Variants in SMURF2 observed in about 807,000 individuals in gnomAD.
SMURF2 encodes the protein SMAD specific E3 ubiquitin protein ligase 2, also known as E3 ubiquitin-protein ligase SMURF2.
A neutral mutation model predicts 109.6 loss-of-function variants in SMURF2; 48 were observed. The observed-to-expected ratio is 0.44, with a 90% CI of 0.35 to 0.56. The LOEUF (loss-of-function observed/expected upper bound fraction) is 0.56. Ranked by LOEUF, SMURF2 falls within the 20% of genes least tolerant of loss-of-function variation. The pLI, the probability that SMURF2 is intolerant of heterozygous loss-of-function variation, is 0.01. For synonymous variants in SMURF2, 288 were observed against 317.1 expected, an observed-to-expected ratio of 0.91 and a Z score of 0.97; for missense variants, 575 against 909.0, an observed-to-expected ratio of 0.63 and a Z score of 4.72.
intron 3 of SMURF2, among the ~76,000 whole-genome samples, chr17:64,597,770 CA>C (rs369162603): frequency 0.03 from 3,363 of 112,502 alleles, 108 homozygotes; most frequent in African/African-American, 0.087. Flanking sequence ...AAGACTGTCT[CA>C]AAAAAAAAAA....
chr17:64,558,170 C>G (rs1248385337), intron 12 of SMURF2, among the ~76,000 whole-genome samples: 4 of 152,172 alleles, frequency 2.6e-5, no homozygotes, highest in African/African-American at 9.7e-5. Flanking sequence ...GGGGCCAAGA[C>G]AGGTGGTTCG....
At chr17:64,654,882 G>A (rs1429268348) in intron 1 of SMURF2, among the ~76,000 whole-genome samples, 1 of 151,868 alleles carries the variant, frequency 6.6e-6, no homozygotes, top group Non-Finnish European at 1.5e-5. Context: ...TCACTATGTT[G>A]CCCAGGCTGG....
intron 6 of SMURF2, among the ~76,000 whole-genome samples, chr17:64,584,679 T>C (rs1376293580): frequency 8.5e-5 from 13 of 152,136 alleles, no homozygotes; most frequent in African/African-American, 2.9e-4. Flanking sequence ...TTCTATCAAC[T>C]CTTTACCATA....
At chr17:64,576,128 C>A (rs1339070906) in intron 9 of SMURF2, among the ~76,000 whole-genome samples, 5 of 151,800 alleles carry the variant, frequency 3.3e-5, no homozygotes, top group African/African-American at 1.2e-4. Context: ...TGACTTGAAC[C>A]CAGGAGGCAG....
In SMURF2 at chr17:64,547,569, T is replaced by G; in HGVS notation, c.2071+31A>C. 2.2e-6 allele frequency: 3 copies of G among 1,384,620 alleles called. No individual in the cohort carries two copies. Among genetic ancestry groups the G allele is most frequent in the Non-Finnish European group, 3.0e-6 (3 of 986,994 alleles). The allele number at this position is 1,384,620 out of a possible 1,614,324, so 85.8% of individuals were successfully genotyped here. Reference sequence around the variant, plus strand: ...CGCTGACAGCCCCGCCCCCACCCGCTGCCCAGCTTGCCTGCACCTCAGGCT... The same window carrying G: ...CGCTGACAGCCCCGCCCCCACCCGCGGCCCAGCTTGCCTGCACCTCAGGCT... On this transcript the variant is annotated intron_variant, in intron 17 of 18. Transcript: ENST00000262435. This position sits in a 1 kb window ranked among gnomAD's most constrained non-coding sequence, Gnocchi z 4.2.
intron 1 of SMURF2, among the ~76,000 whole-genome samples, chr17:64,655,962 C>T (rs1970699768): frequency 6.6e-6 from 1 of 152,006 alleles, no homozygotes; most frequent in African/African-American, 2.4e-5. Flanking sequence ...AACAGTATGG[C>T]ACTGAACAAG....
chr17:64,602,064 A>T (rs1314826428), intron 2 of SMURF2, among the ~76,000 whole-genome samples: 1 of 152,008 alleles, frequency 6.6e-6, no homozygotes, highest in Non-Finnish European at 1.5e-5. Flanking sequence ...ATTCTAAGTG[A>T]AGTAACTCAA....
intron 1 of SMURF2, among the ~76,000 whole-genome samples, chr17:64,647,722 T>C (rs1970577975): frequency 1.3e-5 from 2 of 148,166 alleles, no homozygotes; most frequent in African/African-American, 4.9e-5. Context: ...TTTCGTCAGA[T>C]AAAAGGTGCT....
rs1213043298 is a variant in SMURF2 at position 64,661,870 on chromosome 17, G to C, written c.11C>G (p.Pro4Arg). Reference sequence around the variant, plus strand: ...GACGGGCCCGTTCCTCCGGCCTCCGGGGTTAGACATGTCCCCGGCGGCGGG... The same window carrying C: ...GACGGGCCCGTTCCTCCGGCCTCCGCGGTTAGACATGTCCCCGGCGGCGGG... Reference protein sequence around the residue: MSNPGGRRNGPVKL... With the variant: MSNRGGRRNGPVKL... The change falls in exon 1 of 19, where the codon CCC becomes CGC. Residue 4 changes from proline (P) to arginine (R), a missense_variant. Physicochemically the swap from Pro to Arg is moderately radical, Grantham distance 103. Transcript: ENST00000262435. The C allele has an allele frequency of 1.6e-6, 2 of 1,214,556 alleles. No individual in the cohort carries two copies. Among genetic ancestry groups the C allele is most frequent in the East Asian group, 3.3e-5 (1 of 30,612 alleles). The allele number at this position is 1,214,556 out of a possible 1,614,324, so 75.2% of individuals were successfully genotyped here.
intron 5 of SMURF2, 91 bp from the exon 6 acceptor site, chr17:64,586,261 A>G (rs1241463450): frequency 1.4e-6 from 1 of 732,210 alleles, no homozygotes; most frequent in African/African-American, 1.8e-5. Context: ...CATCTGACTT[A>G]GCTTATTTTA....
chr17:64,576,422 G>T (rs1420174114), intron 9 of SMURF2, among the ~76,000 whole-genome samples: 7 of 151,964 alleles, frequency 4.6e-5, no homozygotes, highest in African/African-American at 1.7e-4. Context: ...CCAGCACTTT[G>T]GTAGGTCGAG....
intron 1 of SMURF2, among the ~76,000 whole-genome samples, chr17:64,644,506 G>A (rs1970533768): frequency 6.6e-6 from 1 of 151,618 alleles, no homozygotes; most frequent in Non-Finnish European, 1.5e-5. Context: ...TGAGGCAGGA[G>A]GAATGCTTGA....
At chr17:64,659,364 T>C (rs1171893737) in intron 1 of SMURF2, among the ~76,000 whole-genome samples, 3 of 152,192 alleles carry the variant, frequency 2.0e-5, no homozygotes, top group Non-Finnish European at 4.4e-5. Flanking sequence ...ATAGCCCAAG[T>C]GTATTGTAAA....
intron 1 of SMURF2, among the ~76,000 whole-genome samples, chr17:64,617,080 A>G (rs1598298229): frequency 6.7e-6 from 1 of 149,950 alleles, no homozygotes; most frequent in East Asian, 1.9e-4. Context: ...AAAAAAAAAA[A>G]AAAAAAAAAA....
intron 1 of SMURF2, among the ~76,000 whole-genome samples, chr17:64,657,300 A>G (rs1446740114): frequency 6.6e-6 from 1 of 152,166 alleles, no homozygotes; most frequent in Non-Finnish European, 1.5e-5. Flanking sequence ...GAGGGCATTC[A>G]TAATTATACT....
At chr17:64,563,212 C>T (rs1202085979) in intron 10 of SMURF2, 1 of 298,700 alleles carries the variant, frequency 3.3e-6, no homozygotes, top group African/African-American at 2.2e-5. Context: ...TATACAGCTT[C>T]TGAGGACAAA....
At chr17:64,661,680 C>A (rs971164180) in intron 1 of SMURF2, 149 bp downstream of exon 1, 3 of 458,790 alleles carry the variant, frequency 6.5e-6, no homozygotes, top group Non-Finnish European at 6.5e-6. Context: ...AAGTGGTTTT[C>A]CAATTACTCT....
chr17:64,570,989 G>C (rs4453564), intron 10 of SMURF2, among the ~76,000 whole-genome samples: 29,648 of 151,690 alleles, frequency 0.2, 5,564 homozygotes, highest in African/African-American at 0.49. Context: ...TCACATGTTG[G>C]CCAGGTTGGT....
chr17:64,600,431 C>T (rs16947916), intron 2 of SMURF2, among the ~76,000 whole-genome samples: 7,530 of 152,192 alleles, frequency 0.049, 294 homozygotes, highest in Admixed American at 0.13. Flanking sequence ...TAGAACAAAA[C>T]AGCGTTAAGT....
Sources: allele counts gnomAD v4.1 joint callset (sites outside exome capture counted in the v4.1 genomes callset), GRCh38; gene constraint gnomAD v4.1.1; non-coding constraint Gnocchi (gnomAD v3.1); transcripts MANE v1.5; gene names NCBI Gene and HGNC (gene_info 2026-07-23, HGNC 2026-07-21).